Variants in DLGAP2 observed in about 807,000 individuals in gnomAD.
DLGAP2 encodes the protein DLG associated protein 2.
Under a neutral mutation model 100.3 loss-of-function variants are expected in DLGAP2, and 26 were observed. The observed-to-expected ratio is 0.26, with a 90% CI of 0.19 to 0.36. The LOEUF is 0.36. Among genes scored for constraint, DLGAP2 ranks in the 10% least tolerant of loss-of-function variants. The pLI is 1.00. For missense variants in DLGAP2, 1,858 were observed against 1,453.2 expected (o/e 1.28, Z -4.53); for synonymous variants, 886 against 630.1 (o/e 1.41, Z -6.08).
intron 2 of DLGAP2, among the ~76,000 whole-genome samples, chr8:973,471 G>C (rs1022016490): frequency 9.2e-5 from 14 of 152,062 alleles, no homozygotes; most frequent in African/African-American, 3.4e-4. Context: ...TCACATCCCA[G>C]ACGGGGTGGT....
chr8:1,317,437 G>A (rs1336606236), intron 3 of DLGAP2, among the ~76,000 whole-genome samples: 3 of 142,030 alleles, frequency 2.1e-5, no homozygotes, highest in Admixed American at 7.0e-5. Flanking sequence ...GAGAAACTTC[G>A]CAGCTTTTAA....
At chr8:1,299,060 G>A (rs1800265381) in intron 3 of DLGAP2, among the ~76,000 whole-genome samples, 1 of 152,256 alleles carries the variant, frequency 6.6e-6, no homozygotes. Context: ...GCTGCCAGCA[G>A]AGAATGTGAG....
intron 6 of DLGAP2, among the ~76,000 whole-genome samples, chr8:1,614,865 A>G (rs1382579860): frequency 6.6e-6 from 1 of 152,228 alleles, no homozygotes; most frequent in Non-Finnish European, 1.5e-5. Context: ...GCACACGCAC[A>G]CACACACACG....
chr8:906,725 C>A (rs922418791), intron 1 of DLGAP2, among the ~76,000 whole-genome samples: 2 of 152,186 alleles, frequency 1.3e-5, no homozygotes, highest in African/African-American at 4.8e-5. Flanking sequence ...ACTGTCTCAC[C>A]GCGGTTTGTT....
chr8:1,465,907 A>G (rs1798614884), intron 3 of DLGAP2, among the ~76,000 whole-genome samples: 2 of 152,190 alleles, frequency 1.3e-5, no homozygotes, highest in African/African-American at 2.4e-5. Context: ...GGCCAACGCC[A>G]TGACAGAAAG....
At chr8:1,517,499 C>T (rs754691408) in intron 4 of DLGAP2, among the ~76,000 whole-genome samples, 2 of 152,170 alleles carry the variant, frequency 1.3e-5, no homozygotes, top group Non-Finnish European at 2.9e-5. Flanking sequence ...GTTTCCTCCA[C>T]CGAGCTGTGC....
chr8:802,190 T>C (rs56303040), intron 1 of DLGAP2, among the ~76,000 whole-genome samples: 71,348 of 87,174 alleles, frequency 0.82, 27,895 homozygotes, highest in Admixed American at 0.87. Flanking sequence ...GCCTGGGGAA[T>C]GGTCTGCACT....
intron 2 of DLGAP2, among the ~76,000 whole-genome samples, chr8:1,198,818 C>T (rs1797808700): frequency 6.6e-6 from 1 of 152,228 alleles, no homozygotes; most frequent in East Asian, 1.9e-4. Context: ...GGGATGGGCA[C>T]CTCCCTCCTG....
chr8:831,791 C>G (rs1350513163), intron 1 of DLGAP2, among the ~76,000 whole-genome samples: 4 of 152,220 alleles, frequency 2.6e-5, no homozygotes, highest in African/African-American at 9.6e-5. Context: ...AATGGCCACA[C>G]TGTCTTTCAC....
At chr8:1,083,428 G>C (rs950096458) in intron 2 of DLGAP2, among the ~76,000 whole-genome samples, 1 of 152,140 alleles carries the variant, frequency 6.6e-6, no homozygotes, top group Non-Finnish European at 1.5e-5. Flanking sequence ...CAGATCTTAC[G>C]GGGGGTTTGA....
chr8:1,448,646 A>C (rs1477319811), intron 3 of DLGAP2, among the ~76,000 whole-genome samples: 3 of 152,228 alleles, frequency 2.0e-5, no homozygotes, highest in African/African-American at 7.2e-5. Flanking sequence ...CCCACAAAAT[A>C]ATACGGCTAA....
chr8:750,774 T>C (rs1820769473), intron 1 of DLGAP2, among the ~76,000 whole-genome samples: 2 of 152,236 alleles, frequency 1.3e-5, no homozygotes. Flanking sequence ...GAACAGTGTT[T>C]CCTGTCTTTA....
intron 12 of DLGAP2, among the ~76,000 whole-genome samples, chr8:1,684,006 A>G: frequency 8.4e-6 from 1 of 119,192 alleles, no homozygotes; most frequent in Non-Finnish European, 1.7e-5. Context: ...TTTTAAGACG[A>G]AGTCTCACTC....
chr8:1,116,974 G>A (rs1390494152), intron 2 of DLGAP2, among the ~76,000 whole-genome samples: 1 of 152,182 alleles, frequency 6.6e-6, no homozygotes, highest in Non-Finnish European at 1.5e-5. Flanking sequence ...GAGATCCCAG[G>A]ATCGCTTCTG....
At chr8:1,614,848 C>G (rs1797098823) in intron 6 of DLGAP2, among the ~76,000 whole-genome samples, 1 of 151,316 alleles carries the variant, frequency 6.6e-6, no homozygotes, top group Non-Finnish European at 1.5e-5. Flanking sequence ...TGCACGTGCA[C>G]ACACGTGCAC....
At chr8:1,227,893 G>C (rs904600053) in intron 2 of DLGAP2, among the ~76,000 whole-genome samples, 1 of 152,136 alleles carries the variant, frequency 6.6e-6, no homozygotes, top group African/African-American at 2.4e-5. Context: ...AAATTAGTAC[G>C]TCTTAGCTGC....
At chr8:1,648,433 C>T (rs1359075635) in intron 8 of DLGAP2, among the ~76,000 whole-genome samples, 5 of 152,148 alleles carry the variant, frequency 3.3e-5, no homozygotes, top group Non-Finnish European at 1.5e-5. Context: ...ACCCCTCCTG[C>T]GTGGTGTACT....
chr8:1,244,104 G>A (rs6985034), intron 2 of DLGAP2, among the ~76,000 whole-genome samples: 115,126 of 151,832 alleles, frequency 0.76, 44,434 homozygotes, highest in Middle Eastern at 0.88. Context: ...GCATTCCACC[G>A]TAGGGATGGT....
intron 2 of DLGAP2, among the ~76,000 whole-genome samples, chr8:951,876 T>A (rs118132433): frequency 0.019 from 2,947 of 152,334 alleles, 49 homozygotes; most frequent in Middle Eastern, 0.051. Context: ...GAAACAATCA[T>A]TTCAAGGCCC....
Sources: allele counts gnomAD v4.1 joint callset (sites outside exome capture counted in the v4.1 genomes callset), GRCh38; gene constraint gnomAD v4.1.1; transcripts MANE v1.5; gene names NCBI Gene and HGNC (gene_info 2026-07-23, HGNC 2026-07-21).